The following ANKFN1 variants were observed in gnomAD, a reference collection of about 807,000 sequenced individuals.
ANKFN1 encodes the protein ankyrin repeat and fibronectin type III domain containing 1.
Under a neutral mutation model 108.7 loss-of-function variants are expected in ANKFN1, and 74 were observed. The ratio of observed to expected loss-of-function variants is 0.68; its 90% CI spans 0.56 to 0.83. The LOEUF is 0.83. Ranked by LOEUF, ANKFN1 falls within the 40% of genes least tolerant of loss-of-function variation. The pLI, the probability that ANKFN1 is intolerant of heterozygous loss-of-function variation, is 0.00. For missense variants in ANKFN1, 1,505 were observed against 1,382.3 expected, an observed-to-expected ratio of 1.09 and a Z score of -1.41; for synonymous variants, 547 against 516.2, an observed-to-expected ratio of 1.06 and a Z score of -0.81.
chr17:56,427,487 A>G (rs1287628613), intron 8 of ANKFN1, among the ~76,000 whole-genome samples: 9 of 152,148 alleles, frequency 5.9e-5, no homozygotes. Context: ...AACATACAGA[A>G]CACCTTTATG....
At chr17:56,488,953 T>C (rs574499248) in intron 18 of ANKFN1, among the ~76,000 whole-genome samples, 81 of 152,378 alleles carry the variant, frequency 5.3e-4, no homozygotes, top group Non-Finnish European at 1.1e-3. Flanking sequence ...CCATATGCTG[T>C]GCTGGGCACT....
At chr17:56,332,188 C>G (rs1469647654) in intron 4 of ANKFN1, among the ~76,000 whole-genome samples, 1 of 152,218 alleles carries the variant, frequency 6.6e-6, no homozygotes, top group East Asian at 1.9e-4. Flanking sequence ...GAGACCATAT[C>G]AAAACACGCC....
chr17:56,496,148 A>C (rs2051195439), intron 19 of ANKFN1, among the ~76,000 whole-genome samples: 1 of 152,154 alleles, frequency 6.6e-6, no homozygotes, highest in South Asian at 2.1e-4. Context: ...CATTAAACTC[A>C]ATCCACAGGC....
intron 4 of ANKFN1, among the ~76,000 whole-genome samples, chr17:56,102,749 C>G (rs1905671017): frequency 6.6e-6 from 1 of 152,014 alleles, no homozygotes. Flanking sequence ...CCTATAACAT[C>G]ATCATTTTTA....
intron 2 of ANKFN1, among the ~76,000 whole-genome samples, chr17:56,222,351 A>G (rs1017895770): frequency 2.0e-5 from 3 of 152,278 alleles, no homozygotes; most frequent in African/African-American, 7.2e-5. Flanking sequence ...GCCTGCCTAC[A>G]TGTGTGCTGA....
Position 56,428,151 on chromosome 17 carries a change from T to C in ANKFN1, c.911-12176T>C, listed in dbSNP as rs188253544. Among the ~76,000 whole-genome samples, 358 of 151,968 alleles carry C rather than the reference T, an allele frequency of 2.4e-3. 1 individual carries two copies. The highest frequency in any genetic ancestry group is 8.0e-3 in the African/African-American group (330 of 41,468). On this transcript the variant is annotated intron_variant, in intron 8 of 20. Coordinates refer to ENST00000682825, the MANE Select transcript of ANKFN1 (RefSeq NM_001370326.1). ...CAGGAGGCTGAGGCATGAGAATTGC[T>C]TGAACCCGGGAGGCAGAGGTTGCAG...
At chr17:56,415,925 C>T (rs2048230008) in intron 8 of ANKFN1, among the ~76,000 whole-genome samples, 1 of 151,736 alleles carries the variant, frequency 6.6e-6, no homozygotes, top group Non-Finnish European at 1.5e-5. Context: ...CTACAGTAAG[C>T]TCATTTTCAA....
chr17:56,366,783 T>C (rs2046675022), intron 6 of ANKFN1, among the ~76,000 whole-genome samples: 1 of 152,220 alleles, frequency 6.6e-6, no homozygotes, highest in East Asian at 1.9e-4. Flanking sequence ...TTTGTGTAAG[T>C]ATACTCTGTA....
At chr17:56,417,664 A>C (rs2048282794) in intron 8 of ANKFN1, among the ~76,000 whole-genome samples, 1 of 152,202 alleles carries the variant, frequency 6.6e-6, no homozygotes, top group African/African-American at 2.4e-5. Flanking sequence ...CCCAGTGTGC[A>C]GGAGTCTTTC....
At chr17:56,442,816 C>G in intron 9 of ANKFN1, 27 bp from the exon 10 acceptor site, 1 of 1,599,378 alleles carries the variant, frequency 6.3e-7, no homozygotes, top group East Asian at 2.2e-5. Context: ...AATAAAATGC[C>G]TGATGCATCA....
At chr17:56,137,032 C>A (rs1459697259) in intron 4 of ANKFN1, among the ~76,000 whole-genome samples, 2 of 152,176 alleles carry the variant, frequency 1.3e-5, no homozygotes, top group Admixed American at 6.5e-5. Context: ...CAAGAAACAT[C>A]TACTACAGAT....
chr17:56,125,926 C>T (rs544948516), intron 4 of ANKFN1, among the ~76,000 whole-genome samples: 6 of 152,258 alleles, frequency 3.9e-5, no homozygotes, highest in African/African-American at 7.2e-5. Context: ...GGGGACAGTC[C>T]GGGGTCATGT....
chr17:56,046,279 C>A, exon 4 of ANKFN1: 1 of 158,970 alleles, frequency 6.3e-6, no homozygotes, highest in Non-Finnish European at 1.4e-5. Context: ...CGACTGGAGC[C>A]CGTGCACAGG....
Position 56,082,917 on chromosome 17 carries a change from C to A in ANKFN1, c.288+36592C>A, listed in dbSNP as rs558304134. ...GAAGTGAGTCACTCCAGCCCACAGA[C>A]AAAGCTACTGGAGAATTTTCTTCCT... On this transcript the variant is annotated intron_variant, in intron 4 of 12. Coordinates refer to the ANKFN1 transcript ENST00000635860. Among the ~76,000 whole-genome samples the A allele has an allele frequency of 4.9e-5, 7 of 143,484 alleles. No individual in the cohort carries two copies. In the South Asian group the frequency reaches 1.3e-3, roughly 26 times the overall value. The allele number at this position is 143,484 out of a possible 152,430, so 94.1% of individuals were successfully genotyped here. A position where few individuals can be genotyped will look rare whatever the true frequency, so the allele number is the denominator to read the frequency against.
At chr17:56,314,679 C>T (rs1447681621) in intron 3 of ANKFN1, among the ~76,000 whole-genome samples, 1 of 152,068 alleles carries the variant, frequency 6.6e-6, no homozygotes, top group Non-Finnish European at 1.5e-5. Context: ...GTAGGAAACC[C>T]AAGTCTTTTA....
At chr17:56,256,628 A>G (rs2043363904) in intron 3 of ANKFN1, among the ~76,000 whole-genome samples, 1 of 152,242 alleles carries the variant, frequency 6.6e-6, no homozygotes, top group African/African-American at 2.4e-5. Context: ...AACATTTAAA[A>G]TGTTAGAAAA....
intron 3 of ANKFN1, among the ~76,000 whole-genome samples, chr17:56,233,511 T>C (rs1916889426): frequency 6.6e-6 from 1 of 152,080 alleles, no homozygotes; most frequent in South Asian, 2.1e-4. Context: ...CATTTTACCT[T>C]TCTGTCTGTG....
rs576397495 is a variant in ANKFN1 at position 56,484,247 on chromosome 17, G to A, written c.2260+1723G>A. Among the ~76,000 whole-genome samples the A allele has an allele frequency of 9.2e-5, 14 of 152,216 alleles. No homozygotes were observed. The South Asian group carries it at 2.3e-3, about 25-fold the overall frequency. Reference sequence around the variant, plus strand: ...TACAGACAAGGTGGGGCCATATTGGGCAATATCTCCAGCATCAGGCTGAGA... The same window carrying A: ...TACAGACAAGGTGGGGCCATATTGGACAATATCTCCAGCATCAGGCTGAGA... On this transcript the variant is annotated intron_variant, in intron 18 of 20. Coordinates refer to ENST00000682825, the MANE Select transcript of ANKFN1 (RefSeq NM_001370326.1).
In ANKFN1 at chr17:56,091,481, T is replaced by A. The variant is rs1045770232; in HGVS notation, c.288+45156T>A. Among the ~76,000 whole-genome samples the A allele has an allele frequency of 1.1e-4, 16 of 148,520 alleles. 1 individual carries two copies. The highest frequency in any genetic ancestry group is 9.4e-4 in the Admixed American group (14 of 14,828). ...ACACACAGAGTTCATTTCTCAACAT[T>A]CTTTTCACTGCAACATTTGACATAG... On this transcript the variant is annotated intron_variant, in intron 4 of 12. Coordinates refer to the ANKFN1 transcript ENST00000635860.
Sources: gnomAD v4.1 joint callset for allele counts (sites outside exome capture counted in the v4.1 genomes callset) on GRCh38, gnomAD v4.1.1 for gene constraint, MANE v1.5 for transcripts, NCBI Gene and HGNC (gene_info 2026-07-23, HGNC 2026-07-21) for gene names.